DTNBP1: variants seen among roughly 807,000 people sequenced by gnomAD.
DTNBP1 encodes the protein dysbindin.
In DTNBP1, 35 loss-of-function variants were observed where a neutral mutation model predicts 42.8. The observed-to-expected ratio is 0.82, with a 90% confidence interval of 0.63 to 1.09. DTNBP1 has a LOEUF of 1.09. DTNBP1 is among the 50% of genes least tolerant of loss of function. The pLI is 0.00. For missense variants in DTNBP1, 457 were observed against 424.2 expected, an observed-to-expected ratio of 1.08 and a Z score of -0.68; for synonymous variants, 171 against 162.2, an observed-to-expected ratio of 1.05 and a Z score of -0.41.
chr6:15,616,597 T>C (rs950893639), intron 5 of DTNBP1, among the ~76,000 whole-genome samples: 3 of 152,256 alleles, frequency 2.0e-5, no homozygotes, highest in Non-Finnish European at 4.4e-5. Context: ...CCTTCCAGTC[T>C]TGGGTTCACT....
chr6:15,630,745 A>C (rs1759648378), intron 4 of DTNBP1, among the ~76,000 whole-genome samples: 2 of 152,226 alleles, frequency 1.3e-5, no homozygotes, highest in South Asian at 4.2e-4. Context: ...GTGAAACTCC[A>C]TCTCTACTAA....
chr6:15,524,301 G>T lies in DTNBP1; in HGVS notation c.811+225C>A. The T allele has an allele frequency of 6.2e-7, 1 of 1,610,284 alleles. No individual in the cohort carries two copies. The highest frequency in any genetic ancestry group is 8.5e-7 in the Non-Finnish European group (1 of 1,179,300). On this transcript the variant is annotated intron_variant, in intron 9 of 9. Coordinates refer to ENST00000344537, the MANE Select transcript of DTNBP1 (RefSeq NM_032122.5). The stretch of plus-strand genomic sequence containing the variant: ...AAGCTCTCAACTCACCAAAGTTACC[G>T]GAGTGGAGCATGTCAAATCTTTGAG...
At chr6:15,577,611 AAGC>A (rs1027351139) in intron 7 of DTNBP1, among the ~76,000 whole-genome samples, 1 of 152,246 alleles carries the variant, frequency 6.6e-6, no homozygotes, top group Non-Finnish European at 1.5e-5. Flanking sequence ...AAGAGCCAAG[AAGC>A]AGGCAGGATG....
intron 7 of DTNBP1, among the ~76,000 whole-genome samples, chr6:15,575,768 G>T (rs1470877101): frequency 6.6e-6 from 1 of 152,220 alleles, no homozygotes; most frequent in Admixed American, 6.5e-5. Context: ...AGATGTGGGA[G>T]GTGCACCTCA....
At chr6:15,542,583 G>A (rs2113359515) in intron 7 of DTNBP1, among the ~76,000 whole-genome samples, 1 of 152,172 alleles carries the variant, frequency 6.6e-6, no homozygotes, top group South Asian at 2.1e-4. Context: ...TGTTTGACAG[G>A]ATGGTCTCGA....
intron 6 of DTNBP1, among the ~76,000 whole-genome samples, chr6:15,598,554 G>A (rs1776601788): frequency 6.6e-6 from 1 of 152,110 alleles, no homozygotes; most frequent in Non-Finnish European, 1.5e-5. Flanking sequence ...ACCTATTACT[G>A]TGACTACTTG....
intron 4 of DTNBP1, among the ~76,000 whole-genome samples, chr6:15,633,324 G>A (rs530178916): frequency 6.6e-6 from 1 of 152,274 alleles, no homozygotes; most frequent in Non-Finnish European, 1.5e-5. Context: ...ATTGATCTGA[G>A]CAAACTAAAT....
At chr6:15,646,829 A>C (rs1027773208) in intron 3 of DTNBP1, among the ~76,000 whole-genome samples, 1 of 152,072 alleles carries the variant, frequency 6.6e-6, no homozygotes, top group Non-Finnish European at 1.5e-5. Flanking sequence ...TGGATGAACA[A>C]AACTGGACCC....
chr6:15,642,869 G>T (rs1262234426), intron 3 of DTNBP1, among the ~76,000 whole-genome samples: 1 of 152,216 alleles, frequency 6.6e-6, no homozygotes, highest in Non-Finnish European at 1.5e-5. Context: ...CCTCAAATGA[G>T]AAGGAATCAA....
rs77454614 is a variant in DTNBP1 at position 15,650,601 on chromosome 6, C to T, written c.161+712G>A. On this transcript the variant is annotated intron_variant, in intron 3 of 9. Transcript: ENST00000344537. ...CCGGCCTCATTGTGGTTTTGATTTG[C>T]GTTTCCCTGAAGACTGACAACGTTG... Among the ~76,000 whole-genome samples the T allele has an allele frequency of 2.1e-3, 325 of 152,158 alleles. 2 individuals are homozygous for T. The highest frequency in any genetic ancestry group is 7.6e-3 in the African/African-American group (315 of 41,526).
At chr6:15,566,874 T>C (rs1775114590) in intron 7 of DTNBP1, among the ~76,000 whole-genome samples, 1 of 152,122 alleles carries the variant, frequency 6.6e-6, no homozygotes, top group Non-Finnish European at 1.5e-5. Context: ...CTAACTTTTG[T>C]ACAGACGGGG....
intron 3 of DTNBP1, among the ~76,000 whole-genome samples, chr6:15,641,023 G>A (rs966139450): frequency 6.6e-6 from 1 of 152,206 alleles, no homozygotes; most frequent in Non-Finnish European, 1.5e-5. Flanking sequence ...TCTAATCAGG[G>A]AGATGCAGAC....
intron 7 of DTNBP1, among the ~76,000 whole-genome samples, chr6:15,545,498 C>G (rs1335743000): frequency 6.6e-6 from 1 of 152,196 alleles, no homozygotes; most frequent in African/African-American, 2.4e-5. Flanking sequence ...CAGACACACA[C>G]ACACACCCTT....
intron 7 of DTNBP1, among the ~76,000 whole-genome samples, chr6:15,581,172 G>C (rs1388358787): frequency 6.6e-6 from 1 of 152,106 alleles, no homozygotes; most frequent in Non-Finnish European, 1.5e-5. Context: ...GAGACTGCCA[G>C]AAATTCTTTT....
In DTNBP1 at chr6:15,523,779, C is replaced by T. The variant is rs778295937; in HGVS notation, c.812-560G>A. 9.7e-5 allele frequency: 125 copies of T among 1,287,182 alleles called. 1 individual carries two copies. In the South Asian group the frequency reaches 1.5e-3, roughly 15 times the overall value. The allele number at this position is 1,287,182 out of a possible 1,614,324, so 79.7% of individuals were successfully genotyped here. ...TATTCTGGCCTTCTCAGGATGAGGG[C>T]AAATGCACCCAAGCTCCTTCTCTTC... On this transcript the variant is annotated intron_variant, in intron 9 of 9. Coordinates refer to ENST00000344537, the MANE Select transcript of DTNBP1 (RefSeq NM_032122.5).
intron 7 of DTNBP1, among the ~76,000 whole-genome samples, chr6:15,559,473 A>G (rs1774717936): frequency 6.6e-6 from 1 of 152,216 alleles, no homozygotes; most frequent in African/African-American, 2.4e-5. Flanking sequence ...ATTTTATGCA[A>G]CAACCGGTGA....
chr6:15,625,207 A>G (rs1313274801), intron 5 of DTNBP1, among the ~76,000 whole-genome samples: 1 of 152,202 alleles, frequency 6.6e-6, no homozygotes, highest in Non-Finnish European at 1.5e-5. Flanking sequence ...GGAAGCATGT[A>G]TTTCAAAGGC....
At chr6:15,545,910 G>A in intron 7 of DTNBP1, 1 of 350,072 alleles carries the variant, frequency 2.9e-6, no homozygotes. Flanking sequence ...GGGCAAGGCA[G>A]TTTAGAAGAC....
chr6:15,526,432 T>A (rs1242091215), intron 8 of DTNBP1, among the ~76,000 whole-genome samples: 6 of 152,230 alleles, frequency 3.9e-5, no homozygotes, highest in Non-Finnish European at 1.5e-5. Context: ...AGTCTCATTA[T>A]CCTCAGGCTC....
Sources: gnomAD v4.1 joint callset for allele counts (sites outside exome capture counted in the v4.1 genomes callset) on GRCh38, gnomAD v4.1.1 for gene constraint, MANE v1.5 for transcripts, NCBI Gene and HGNC (gene_info 2026-07-23, HGNC 2026-07-21) for gene names.